The following SOX5 variants were observed in gnomAD, a reference collection of about 807,000 sequenced individuals.
SOX5 encodes the protein transcription factor SOX-5.
A neutral mutation model predicts 92.0 loss-of-function variants in SOX5; 9 were observed. That is an observed-to-expected ratio of 0.10 (90% CI 0.06 to 0.17). The LOEUF (loss-of-function observed/expected upper bound fraction) is 0.17, where lower values mean the gene tolerates loss of function less well. SOX5 is among the 10% of genes least tolerant of loss of function. The pLI is 1.00. For synonymous variants in SOX5, 344 were observed against 336.3 expected (o/e 1.02, Z -0.25); for missense variants, 642 against 944.5 (o/e 0.68, Z 4.20).
intron 4 of SOX5, among the ~76,000 whole-genome samples, chr12:24,002,456 C>A (rs181872986): frequency 8.2e-4 from 125 of 151,970 alleles, no homozygotes; most frequent in African/African-American, 2.9e-3. Context: ...ACAAATTAGA[C>A]AATTTAGATG....
chr12:23,788,773 T>A (rs1240186328), intron 3 of SOX5, among the ~76,000 whole-genome samples: 1 of 151,956 alleles, frequency 6.6e-6, no homozygotes, highest in East Asian at 1.9e-4. Context: ...AAATAAGTAA[T>A]TTCATATTAA....
At chr12:23,674,557 C>T (rs1215701712) in intron 6 of SOX5, among the ~76,000 whole-genome samples, 1 of 151,570 alleles carries the variant, frequency 6.6e-6, no homozygotes, top group Non-Finnish European at 1.5e-5. Flanking sequence ...AAGCTGATCT[C>T]GAACTCTTTA....
At chr12:23,569,369 C>G (rs1182113812) in intron 10 of SOX5, among the ~76,000 whole-genome samples, 1 of 152,046 alleles carries the variant, frequency 6.6e-6, no homozygotes, top group Non-Finnish European at 1.5e-5. Flanking sequence ...GTAAGAAATA[C>G]AAAATTAAAG....
intron 2 of SOX5, among the ~76,000 whole-genome samples, chr12:23,860,591 A>G (rs760089568): frequency 1.3e-5 from 2 of 152,212 alleles, no homozygotes; most frequent in Non-Finnish European, 2.9e-5. Context: ...TGACCCCAGG[A>G]CTTTAAGAGA....
At chr12:23,878,597 TG>T (rs1269536875) in intron 2 of SOX5, among the ~76,000 whole-genome samples, 1 of 152,050 alleles carries the variant, frequency 6.6e-6, no homozygotes, top group African/African-American at 2.4e-5. Flanking sequence ...TTTTTCTTTT[TG>T]CTTGTCTTTT....
chr12:23,860,964 A>AAAC (rs1568416858), intron 2 of SOX5, among the ~76,000 whole-genome samples: 4 of 108,376 alleles, frequency 3.7e-5, no homozygotes, highest in East Asian at 9.3e-4. Context: ...AAAAAAAAAA[A>AAAC]AAAAAAAAAA....
At chr12:24,082,943 G>A (rs140379405) in intron 4 of SOX5, among the ~76,000 whole-genome samples, 2,004 of 151,904 alleles carry the variant, frequency 0.013, 25 homozygotes, top group Middle Eastern at 0.041. Flanking sequence ...TAGATTTAAC[G>A]ATAATAATGG....
intron 6 of SOX5, among the ~76,000 whole-genome samples, chr12:23,733,289 C>T (rs777175976): frequency 6.6e-6 from 1 of 152,076 alleles, no homozygotes; most frequent in Non-Finnish European, 1.5e-5. Context: ...AAGAAAGTGC[C>T]ATAACAATAT....
chr12:23,967,631 C>A (rs766582468), intron 4 of SOX5, among the ~76,000 whole-genome samples: 1 of 152,072 alleles, frequency 6.6e-6, no homozygotes. Flanking sequence ...AAAAACACTA[C>A]ATTTTATCTC....
intron 4 of SOX5, among the ~76,000 whole-genome samples, chr12:23,976,990 C>T (rs1948996226): frequency 6.6e-6 from 1 of 152,028 alleles, no homozygotes; most frequent in Admixed American, 6.6e-5. Flanking sequence ...GGGACCATTT[C>T]CCAAATATAC....
intron 2 of SOX5, among the ~76,000 whole-genome samples, chr12:24,320,585 T>C (rs1482827968): frequency 6.6e-6 from 1 of 152,068 alleles, no homozygotes; most frequent in African/African-American, 2.4e-5. Context: ...CCACTGTGCG[T>C]CTGGGCGCGG....
At chr12:23,767,839 ATAT>A (rs1358269871) in intron 3 of SOX5, among the ~76,000 whole-genome samples, 9 of 147,202 alleles carry the variant, frequency 6.1e-5, no homozygotes, top group East Asian at 2.0e-4. Context: ...ATATATATAT[ATAT>A]AATAAATGAT....
chr12:23,845,085 T>C (rs772133587), intron 3 of SOX5, among the ~76,000 whole-genome samples: 1 of 152,216 alleles, frequency 6.6e-6, no homozygotes, highest in Non-Finnish European at 1.5e-5. Flanking sequence ...TCAGATATCC[T>C]GATAATTTAC....
chr12:23,558,387 T>C (rs1945605406), intron 11 of SOX5, among the ~76,000 whole-genome samples: 1 of 152,214 alleles, frequency 6.6e-6, no homozygotes, highest in Admixed American at 6.5e-5. Flanking sequence ...TACCCCCGTA[T>C]GAATGAAGAC....
At chr12:24,318,112 G>A (rs1949867453) in intron 2 of SOX5, among the ~76,000 whole-genome samples, 1 of 152,242 alleles carries the variant, frequency 6.6e-6, no homozygotes, top group South Asian at 2.1e-4. Flanking sequence ...AGGAGGCTGA[G>A]GCATGAGAAT....
chr12:24,133,934 C>T (rs188704130), intron 4 of SOX5, among the ~76,000 whole-genome samples: 137 of 152,240 alleles, frequency 9.0e-4, no homozygotes, highest in African/African-American at 3.2e-3. Context: ...ACCAGAGCTG[C>T]CCAGGTAACA....
At chr12:24,243,041 A>T (rs939937190) in intron 3 of SOX5, among the ~76,000 whole-genome samples, 13 of 152,176 alleles carry the variant, frequency 8.5e-5, no homozygotes, top group African/African-American at 3.1e-4. Flanking sequence ...GATATTAAAC[A>T]AACTGTTAAA....
chr12:24,252,131 T>C (rs1042533422), intron 3 of SOX5, among the ~76,000 whole-genome samples: 3 of 152,160 alleles, frequency 2.0e-5, no homozygotes, highest in Non-Finnish European at 4.4e-5. Context: ...CTATATACTT[T>C]TACACAAATG....
At chr12:24,480,898 C>A (rs148314774) in intron 1 of SOX5, among the ~76,000 whole-genome samples, 4 of 151,910 alleles carry the variant, frequency 2.6e-5, no homozygotes, top group Admixed American at 2.6e-4. Flanking sequence ...AGCCATCCCA[C>A]GGCTGGGTAT....
Sources: gnomAD v4.1 joint callset for allele counts (sites outside exome capture counted in the v4.1 genomes callset) on GRCh38, gnomAD v4.1.1 for gene constraint, MANE v1.5 for transcripts, NCBI Gene and HGNC (gene_info 2026-07-23, HGNC 2026-07-21) for gene names.